The following PCID2 variants were observed in gnomAD, a reference collection of about 807,000 sequenced individuals.
PCID2 encodes the protein PCI domain-containing protein 2.
A neutral mutation model predicts 61.3 loss-of-function variants in PCID2; 41 were observed. That is an observed-to-expected ratio of 0.67 (90% CI 0.52 to 0.87). The LOEUF (loss-of-function observed/expected upper bound fraction) is 0.87. Among genes scored for constraint, PCID2 ranks in the 40% least tolerant of loss-of-function variants. The pLI, the probability that PCID2 is intolerant of heterozygous loss-of-function variation, is 0.00. For synonymous variants in PCID2, 187 were observed against 177.8 expected (o/e 1.05, Z -0.41); for missense variants, 392 against 493.4 (o/e 0.79, Z 1.95).
At chr13:113,174,683 C>A (rs1226085889), downstream of PCID2, among the ~76,000 whole-genome samples, 5 of 152,150 alleles carry the variant, frequency 3.3e-5, no homozygotes, top group Non-Finnish European at 5.9e-5. Context: ...TGGATTTTGC[C>A]ATATTGCCCA....
chr13:113,208,154 C>T, intron 1 of PCID2: 1 of 1,598,624 alleles, frequency 6.3e-7, no homozygotes. Flanking sequence ...ACGGCCACAG[C>T]CTCGCGCTTA....
intron 1 of PCID2, among the ~76,000 whole-genome samples, chr13:113,207,725 A>G (rs1162640350): frequency 6.6e-6 from 1 of 152,218 alleles, no homozygotes; most frequent in Non-Finnish European, 1.5e-5. Flanking sequence ...AGTTGTCAAC[A>G]GACACCTCAA....
At chr13:113,180,537 G>C (rs1181947354) in intron 10 of PCID2, among the ~76,000 whole-genome samples, 1 of 152,186 alleles carries the variant, frequency 6.6e-6, no homozygotes, top group Non-Finnish European at 1.5e-5. Flanking sequence ...TGAGATGTAG[G>C]CATACGGAAG....
At chr13:113,200,767 C>G (rs73581013) in intron 1 of PCID2, 6,747 of 302,672 alleles carry the variant, frequency 0.022, 505 homozygotes, top group African/African-American at 0.17. Context: ...ACTGCAGTGG[C>G]GCAATCGTAA....
At chr13:113,168,347 C>T in the PCID2 span, among the ~76,000 whole-genome samples, 15 of 152,202 alleles carry the variant, frequency 9.9e-5, no homozygotes, top group Non-Finnish European at 1.2e-4. Flanking sequence ...TGCTGTGAGG[C>T]GTCTGGGGAA....
chr13:113,192,020 G>A (rs2038661300), intron 6 of PCID2, among the ~76,000 whole-genome samples: 1 of 152,192 alleles, frequency 6.6e-6, no homozygotes, highest in African/African-American at 2.4e-5. Context: ...ACTTTCGGGA[G>A]GCTGAGGTGG....
Position 113,179,844 on chromosome 13 carries a change from G to C in PCID2, c.986+73C>G, listed in dbSNP as rs906947401. On this transcript the variant is annotated intron_variant, in intron 12 of 13. Transcript: ENST00000337344. The surrounding 1 kb of genome is among the most constrained non-coding windows in gnomAD (Gnocchi z 4.3). ...ACACGGTGGCCTTCTCTCTTAGACT[G>C]CAACAGCCCTGGATGTCTGACTGCT... 2.7e-6 allele frequency: 4 copies of C among 1,489,846 alleles called. No individual in the cohort carries two copies. Among genetic ancestry groups the C allele is most frequent in the Non-Finnish European group, 9.2e-7 (1 of 1,092,066 alleles). The allele number at this position is 1,489,846 out of a possible 1,614,324, so 92.3% of individuals were successfully genotyped here. A position where few individuals can be genotyped will look rare whatever the true frequency, so the allele number is the denominator to read the frequency against.
downstream of PCID2, among the ~76,000 whole-genome samples, chr13:113,174,330 G>C (rs949857578): frequency 1.3e-5 from 2 of 152,052 alleles, no homozygotes; most frequent in African/African-American, 4.8e-5. Context: ...GTGAAATCAG[G>C]AACAATCAGA....
downstream of PCID2, among the ~76,000 whole-genome samples, chr13:113,177,138 T>A (rs2037206297): frequency 6.6e-6 from 1 of 152,196 alleles, no homozygotes; most frequent in African/African-American, 2.4e-5. Flanking sequence ...CTTTTATTTT[T>A]ATTTATTTAT....
chr13:113,190,935 C>T lies in PCID2; in HGVS notation c.404G>A (p.Gly135Glu). 1 of 1,613,624 alleles carries T rather than the reference C, an allele frequency of 6.2e-7. No homozygotes were observed. The change falls in exon 7 of 14, where the codon GGG becomes GAG. Residue 135 changes from glycine (G) to glutamate (E), a missense_variant. Physicochemically the swap from Gly to Glu is moderately conservative, Grantham distance 98. This residue lies in a region of PCID2 where 155 missense variants were observed against 164.9 expected (regional missense o/e 0.94). Coordinates refer to ENST00000337344, the MANE Select transcript of PCID2 (RefSeq NM_001127202.4). The stretch of plus-strand genomic sequence containing the variant: ...CTCTGCTGCTTTTTCCAACATGTCC[C>T]CAACTTTGCTTTTTCCTTTCTTTAC... ...QLVKKGKSKV[G>E]DMLEKAAELL...
intron 6 of PCID2, among the ~76,000 whole-genome samples, chr13:113,194,863 C>T (rs41307611): frequency 0.019 from 2,895 of 152,260 alleles, 32 homozygotes; most frequent in Middle Eastern, 0.027. Flanking sequence ...TCTATATGAA[C>T]AGTGTGGAAA....
downstream of PCID2, among the ~76,000 whole-genome samples, chr13:113,176,500 G>A (rs1234254968): frequency 6.6e-6 from 1 of 152,306 alleles, no homozygotes. Context: ...GGTGGCACAT[G>A]CCTGTCACCC....
intron 1 of PCID2, among the ~76,000 whole-genome samples, chr13:113,202,537 C>A (rs916025321): frequency 5.3e-5 from 8 of 152,152 alleles, no homozygotes; most frequent in Non-Finnish European, 1.2e-4. Flanking sequence ...ACTATGCAAC[C>A]ATTTTTTGAA....
intron 9 of PCID2, among the ~76,000 whole-genome samples, chr13:113,182,141 T>G (rs951253094): frequency 6.6e-6 from 1 of 152,142 alleles, no homozygotes; most frequent in Non-Finnish European, 1.5e-5. Context: ...GCAGAGGCCC[T>G]CCCTTATGCA....
intron 1 of PCID2, among the ~76,000 whole-genome samples, chr13:113,202,393 C>T (rs1337841098): frequency 6.6e-6 from 1 of 152,238 alleles, no homozygotes; most frequent in Non-Finnish European, 1.5e-5. Context: ...AGTAATCACA[C>T]TGCCAGGAAC....
At chr13:113,206,577 G>A (rs868755362) in intron 1 of PCID2, among the ~76,000 whole-genome samples, 2 of 152,224 alleles carry the variant, frequency 1.3e-5, no homozygotes, top group South Asian at 2.1e-4. Context: ...AAGAGATACA[G>A]TGACATTGGC....
chr13:113,170,358 C>A, the PCID2 span: 3 of 1,092,558 alleles, frequency 2.7e-6, no homozygotes, highest in East Asian at 2.4e-5. Flanking sequence ...GACTTTACTG[C>A]CCCTAATCCT....
rs375308286 is a variant in PCID2, at chr13:113,208,652, G to A, written c.-18C>T. On this transcript the variant is annotated 5_prime_UTR_variant, in exon 1 of 14. Coordinates refer to ENST00000337344, the MANE Select transcript of PCID2 (RefSeq NM_001127202.4). ...TGCGCCATGGGAGCGCCGCCGAACGGAGAGCGCCACCCCCTACGCCTCAAG... is the reference window on the plus strand; with the variant it reads ...TGCGCCATGGGAGCGCCGCCGAACGAAGAGCGCCACCCCCTACGCCTCAAG... 3 of 1,604,472 alleles carry A rather than the reference G, an allele frequency of 1.9e-6. No homozygotes were observed. The highest frequency in any genetic ancestry group is 2.6e-6 in the Non-Finnish European group (3 of 1,176,320).
rs777852240 is a variant in PCID2 at position 113,208,627 on chromosome 13, T to G, written c.8A>C (p.His3Pro). MA[H>P]ITINQYLQQV... is the part of the protein sequence containing the mutation. ...CTGCAGGTACTGGTTAATGGTAATG[T>G]GCGCCATGGGAGCGCCGCCGAACGG... The change falls in exon 1 of 14, where the codon CAC (histidine) becomes CCC (proline). Residue 3 changes from histidine to proline, a missense_variant. Around this residue, in one of 3 missense-constraint regions of PCID2, gnomAD observed 155 missense variants for 164.9 expected, o/e 0.94. Transcript: ENST00000337344. The G allele has an allele frequency of 6.2e-6, 10 of 1,607,586 alleles. No individual in the cohort carries two copies. In the East Asian group the frequency reaches 1.1e-4, roughly 18 times the overall value.
Sources: allele counts gnomAD v4.1 joint callset (sites outside exome capture counted in the v4.1 genomes callset), GRCh38; gene constraint gnomAD v4.1.1; regional missense constraint gnomAD v4.1.1; non-coding constraint Gnocchi (gnomAD v3.1); transcripts MANE v1.5; gene names NCBI Gene and HGNC (gene_info 2026-07-23, HGNC 2026-07-21).